DPP6: variants seen among roughly 807,000 people sequenced by gnomAD.
DPP6 encodes the protein dipeptidyl peptidase like 6.
A neutral mutation model predicts 122.6 loss-of-function variants in DPP6; 69 were observed. That is an observed-to-expected ratio of 0.56 (90% CI 0.46 to 0.69). The LOEUF is 0.69. Ranked by LOEUF, DPP6 falls within the 30% of genes least tolerant of loss-of-function variation. The probability of loss-of-function intolerance (pLI) is 0.00; values close to 1 mark genes in which losing one functional copy is unlikely to be tolerated. For missense variants in DPP6, 928 were observed against 1,116.9 expected, an observed-to-expected ratio of 0.83 and a Z score of 2.41; for synonymous variants, 418 against 433.1, an observed-to-expected ratio of 0.97 and a Z score of 0.43.
At chr7:153,841,053 G>A in the DPP6 span, among the ~76,000 whole-genome samples, 3 of 152,164 alleles carry the variant, frequency 2.0e-5, no homozygotes, top group African/African-American at 7.2e-5. Context: ...AATAGCAGAA[G>A]AGCCCCAACC....
At chr7:154,378,261 T>A (rs1813296913) in intron 1 of DPP6, among the ~76,000 whole-genome samples, 1 of 152,178 alleles carries the variant, frequency 6.6e-6, no homozygotes, top group South Asian at 2.1e-4. Flanking sequence ...ACTCTATACA[T>A]GAAAGCAGAA....
chr7:153,803,840 C>T, the DPP6 span, among the ~76,000 whole-genome samples: 88,678 of 150,522 alleles, frequency 0.59, 26,707 homozygotes, highest in African/African-American at 0.72. Context: ...TGTATGTGTA[C>T]ATACACACAC....
At chr7:154,757,653 A>G (rs1215626857) in intron 8 of DPP6, among the ~76,000 whole-genome samples, 2 of 152,200 alleles carry the variant, frequency 1.3e-5, no homozygotes, top group African/African-American at 4.8e-5. Flanking sequence ...CTCATGGCTG[A>G]AGACAGTGTC....
chr7:154,160,557 G>A (rs1452588434), intron 1 of DPP6, among the ~76,000 whole-genome samples: 2 of 152,160 alleles, frequency 1.3e-5, no homozygotes, highest in African/African-American at 2.4e-5. Context: ...AGGACACATG[G>A]CCGTGAGAGG....
chr7:154,180,416 T>TATATATA (rs549472902), intron 1 of DPP6, among the ~76,000 whole-genome samples: 1 of 145,456 alleles, frequency 6.9e-6, no homozygotes, highest in Non-Finnish European at 1.5e-5. Context: ...TATATATATC[T>TATATATA]ATATATAATA....
intron 1 of DPP6, among the ~76,000 whole-genome samples, chr7:154,021,980 G>A (rs1033235296): frequency 1.3e-5 from 2 of 152,162 alleles, no homozygotes; most frequent in African/African-American, 2.4e-5. Context: ...TTGATATCCA[G>A]AATTCGCTAT....
intron 1 of DPP6, among the ~76,000 whole-genome samples, chr7:154,041,946 C>T (rs1011734028): frequency 3.2e-4 from 48 of 152,088 alleles, no homozygotes; most frequent in African/African-American, 1.1e-3. Context: ...TTTAGTAGAG[C>T]CGGGGTTTCA....
chr7:153,766,596 A>G, the DPP6 span, among the ~76,000 whole-genome samples: 1 of 152,182 alleles, frequency 6.6e-6, no homozygotes, highest in Non-Finnish European at 1.5e-5. Flanking sequence ...ACTCTAATAA[A>G]GAATCCATGA....
chr7:154,556,539 A>G (rs1830056107), intron 4 of DPP6, among the ~76,000 whole-genome samples: 1 of 152,202 alleles, frequency 6.6e-6, no homozygotes. Context: ...AATACACAAA[A>G]TTACGTTCCA....
the DPP6 span, among the ~76,000 whole-genome samples, chr7:153,754,499 T>G: frequency 6.6e-6 from 1 of 152,174 alleles, no homozygotes; most frequent in East Asian, 1.9e-4. Context: ...TTTTCAATAT[T>G]TCAATACTAT....
intron 1 of DPP6, among the ~76,000 whole-genome samples, chr7:153,978,867 G>A (rs1414866382): frequency 6.6e-6 from 1 of 152,048 alleles, no homozygotes; most frequent in Non-Finnish European, 1.5e-5. Flanking sequence ...TAGTTGTGCA[G>A]TGTTACTTCT....
chr7:154,889,270 A>G lies in DPP6; in HGVS notation c.2305-2A>G, dbSNP rs1490360780. The stretch of plus-strand genomic sequence containing the variant: ...TCTGTCCCCTTGCCCCCGCATGTGC[A>G]GATGACCAAGGTAGCCCATCGAGTC... On this transcript the variant is annotated splice_acceptor_variant, in intron 23 of 25. Coordinates refer to ENST00000377770, the MANE Select transcript of DPP6 (RefSeq NM_130797.4). LOFTEE classifies it high-confidence loss of function. The G allele has an allele frequency of 6.2e-7, 1 of 1,612,510 alleles. No homozygotes were observed. The highest frequency in any genetic ancestry group is 8.5e-7 in the Non-Finnish European group (1 of 1,179,474).
At chr7:153,792,659 T>C in the DPP6 span, among the ~76,000 whole-genome samples, 61,909 of 148,294 alleles carry the variant, frequency 0.42, 10,829 homozygotes, top group Middle Eastern at 0.49. Flanking sequence ...TTAAAGTTGT[T>C]CTTTTTTTTT....
At chr7:154,553,768 G>A (rs2130399852) in intron 4 of DPP6, among the ~76,000 whole-genome samples, 1 of 152,128 alleles carries the variant, frequency 6.6e-6, no homozygotes, top group African/African-American at 2.4e-5. Flanking sequence ...TGAGAAGGAA[G>A]CCACCGCTTC....
intron 1 of DPP6, among the ~76,000 whole-genome samples, chr7:154,431,466 CTTTTCTTTTCTT>C (rs1215815420): frequency 1.5e-4 from 2 of 13,696 alleles, no homozygotes; most frequent in Non-Finnish European, 2.4e-4. Context: ...CTTTTCTTTT[CTTTTCTTTTCTT>C]TTCTTTTCTT....
intron 5 of DPP6, among the ~76,000 whole-genome samples, chr7:154,615,526 TA>T (rs772514792): frequency 6.6e-6 from 1 of 152,262 alleles, no homozygotes; most frequent in Non-Finnish European, 1.5e-5. Flanking sequence ...TTTATTATTT[TA>T]ACCATCCGTA....
intron 16 of DPP6, among the ~76,000 whole-genome samples, chr7:154,812,567 A>G (rs1799138051): frequency 1.3e-5 from 2 of 152,032 alleles, no homozygotes; most frequent in South Asian, 4.2e-4. Flanking sequence ...AAAGAGGGTG[A>G]CAGAGCTCTC....
the DPP6 span, among the ~76,000 whole-genome samples, chr7:153,808,266 TGTGTGTGCGCAC>T: frequency 3.5e-5 from 5 of 141,892 alleles, no homozygotes; most frequent in East Asian, 8.9e-4. Context: ...CGTGTGTGCC[TGTGTGTGCGCAC>T]GTGTGTGCCT....
chr7:154,705,097 C>T (rs1840753127), intron 7 of DPP6, among the ~76,000 whole-genome samples: 1 of 152,106 alleles, frequency 6.6e-6, no homozygotes, highest in Non-Finnish European at 1.5e-5. Context: ...ATTCAGAAAC[C>T]TGGTACAAGG....
Sources: allele counts gnomAD v4.1 joint callset (sites outside exome capture counted in the v4.1 genomes callset), GRCh38; gene constraint gnomAD v4.1.1; transcripts MANE v1.5; gene names NCBI Gene and HGNC (gene_info 2026-07-23, HGNC 2026-07-21).